The following HNRNPM variants were observed in gnomAD, a reference collection of about 807,000 sequenced individuals.
The protein encoded by HNRNPM is CEA receptor.
Under a neutral mutation model 73.1 loss-of-function variants are expected in HNRNPM, and 11 were observed. The ratio of observed to expected loss-of-function variants is 0.15; its 90% CI spans 0.09 to 0.25. HNRNPM has a LOEUF of 0.25. Ranked by LOEUF, HNRNPM falls within the 10% of genes least tolerant of loss-of-function variation. The pLI is 1.00. For missense variants in HNRNPM, 789 were observed against 1,067.9 expected (o/e 0.74, Z 3.64); for synonymous variants, 407 against 355.2 (o/e 1.15, Z -1.64).
At chr19:8,455,944 C>T (rs1306808064) in intron 2 of HNRNPM, among the ~76,000 whole-genome samples, 153 of 134,484 alleles carry the variant, frequency 1.1e-3, no homozygotes, top group Non-Finnish European at 2.1e-3. Flanking sequence ...CCTTTCTTTC[C>T]TTTTTTTTTT....
chr19:8,454,187 A>G (rs1427360064), intron 1 of HNRNPM, among the ~76,000 whole-genome samples: 1 of 152,204 alleles, frequency 6.6e-6, no homozygotes, highest in Non-Finnish European at 1.5e-5. Context: ...TGGAACTTTT[A>G]TTCTCATCCC....
At chr19:8,466,579 G>A (rs1000639890) in intron 7 of HNRNPM, among the ~76,000 whole-genome samples, 191 bp downstream of exon 7, 1 of 152,110 alleles carries the variant, frequency 6.6e-6, no homozygotes, top group Non-Finnish European at 1.5e-5. Flanking sequence ...TGTAATCCCA[G>A]CACTTCGGGA....
chr19:8,488,365 CG>C, intron 15 of HNRNPM: 1 of 243,510 alleles, frequency 4.1e-6, no homozygotes, highest in East Asian at 8.6e-5. Flanking sequence ...TAACCAGGGG[CG>C]GTGGCATATC....
chr19:8,465,558 T>C, intron 6 of HNRNPM, 43 bp downstream of exon 6: 1 of 1,247,040 alleles, frequency 8.0e-7, no homozygotes, highest in South Asian at 1.4e-5. Flanking sequence ...AATCAGAACT[T>C]TATGAAATGA....
rs1345567616 is a variant in HNRNPM at position 8,455,170 on chromosome 19, A to C, written c.114-235A>C. 2.6e-5 allele frequency among the ~76,000 whole-genome samples: 4 copies of C among 152,146 alleles called. No homozygotes were observed. The East Asian group carries it at 5.8e-4, about 22-fold the overall frequency. ...ATATATATTTTTTTGTTGTTTTGAC[A>C]GGGTCTTGCTATGTTGCCCAGGCTA... On this transcript the variant is annotated intron_variant, in intron 1 of 15. Coordinates refer to ENST00000325495, the MANE Select transcript of HNRNPM (RefSeq NM_005968.5).
chr19:8,473,572 T>G, intron 10 of HNRNPM, 92 bp from the exon 11 acceptor site: 1 of 791,088 alleles, frequency 1.3e-6, no homozygotes. Context: ...TCTTTTGAGT[T>G]CTTTTGCTGG....
In HNRNPM at chr19:8,465,446, C is replaced by T; in HGVS notation, c.561C>T (p.Pro187=). 6.2e-7 allele frequency: 1 copy of T among 1,613,684 alleles called. No individual in the cohort carries two copies. The highest frequency in any genetic ancestry group is 8.5e-7 in the Non-Finnish European group (1 of 1,179,670). Reference sequence around the variant, plus strand: ...TCCCACCCAGTATCCTAAATAATCCCAACATCCCAAATGAGATTATCCATG... The same window carrying T: ...TCCCACCCAGTATCCTAAATAATCCTAACATCCCAAATGAGATTATCCATG... ...ITIPPSILNN[P]NIPNEIIHAL... is the part of the protein sequence containing the mutation. The change falls in exon 6 of 16, where the codon CCC becomes CCT. Residue 187 remains proline (P), a synonymous_variant. Transcript: ENST00000325495.
intron 12 of HNRNPM, among the ~76,000 whole-genome samples, chr19:8,477,761 C>G (rs1180081670): frequency 6.6e-6 from 1 of 151,544 alleles, no homozygotes; most frequent in Non-Finnish European, 1.5e-5. Context: ...CTGCAGTTGT[C>G]AGCAGAGAGG....
chr19:8,476,660 T>G (rs1427966911), intron 12 of HNRNPM, among the ~76,000 whole-genome samples: 1 of 152,054 alleles, frequency 6.6e-6, no homozygotes, highest in Non-Finnish European at 1.5e-5. Flanking sequence ...GGGTGTAAAT[T>G]GGAGTTCACG....
Position 8,462,287 on chromosome 19 carries a change from A to C in HNRNPM, c.284-242A>C. On this transcript the variant is annotated intron_variant, in intron 2 of 15. Transcript: ENST00000325495. This position sits in a 1 kb window ranked among gnomAD's most constrained non-coding sequence, Gnocchi z 4.5. Reference sequence around the variant, plus strand: ...TTCCAGACAGGGAAATTGATACGGAAATCTGTGGAATAGCTTGTTTGTGGT... The same window carrying C: ...TTCCAGACAGGGAAATTGATACGGACATCTGTGGAATAGCTTGTTTGTGGT... 2 of 476,352 alleles carry C rather than the reference A, an allele frequency of 4.2e-6. 1 individual carries two copies. Among genetic ancestry groups the C allele is most frequent in the South Asian group, 6.0e-5 (2 of 33,150 alleles). 29.5% of individuals were successfully genotyped at this position (476,352 alleles called of 1,614,324 possible).
At chr19:8,481,087 A>G (rs1041965582) in intron 12 of HNRNPM, among the ~76,000 whole-genome samples, 2 of 152,140 alleles carry the variant, frequency 1.3e-5, no homozygotes, top group Non-Finnish European at 2.9e-5. Flanking sequence ...GCTCCTTTCC[A>G]TAGTGCTTTC....
chr19:8,479,065 T>C (rs956110000), intron 12 of HNRNPM, among the ~76,000 whole-genome samples: 2 of 141,982 alleles, frequency 1.4e-5, no homozygotes, highest in Non-Finnish European at 3.0e-5. Context: ...TTCCTCCTCT[T>C]TTTTCTTTCT....
chr19:8,453,738 T>G (rs567899108), intron 1 of HNRNPM, among the ~76,000 whole-genome samples: 1 of 152,160 alleles, frequency 6.6e-6, no homozygotes, highest in Non-Finnish European at 1.5e-5. Flanking sequence ...GGCTTCTGGC[T>G]CCTCACTTGT....
In HNRNPM at chr19:8,466,218, C is replaced by G; in HGVS notation, c.631-17C>G. 1.9e-6 allele frequency: 3 copies of G among 1,604,806 alleles called. No individual in the cohort carries two copies. The highest frequency in any genetic ancestry group is 2.5e-6 in the Non-Finnish European group (3 of 1,176,798). ...GATGTTTACATTGAGGTTTTTACCC[C>G]GTTCTCTCTCGATTAGCTGGATTAT... On this transcript the variant is annotated splice_polypyrimidine_tract_variant and intron_variant, in intron 6 of 15. Coordinates refer to ENST00000325495, the MANE Select transcript of HNRNPM (RefSeq NM_005968.5).
intron 1 of HNRNPM, chr19:8,445,335 G>A (rs1424572541): frequency 2.5e-6 from 1 of 398,726 alleles, no homozygotes; most frequent in Non-Finnish European, 4.4e-6. Flanking sequence ...GCCACCCTCA[G>A]TCCCTCCAGG....
chr19:8,481,175 A>G (rs766483293), intron 12 of HNRNPM, among the ~76,000 whole-genome samples: 2 of 152,136 alleles, frequency 1.3e-5, no homozygotes, highest in Non-Finnish European at 2.9e-5. Context: ...TGCTGCTTCA[A>G]AAATTTGGAT....
At chr19:8,480,890 C>T (rs779805075) in intron 12 of HNRNPM, among the ~76,000 whole-genome samples, 3 of 152,152 alleles carry the variant, frequency 2.0e-5, no homozygotes, top group Non-Finnish European at 2.9e-5. Context: ...TCTCCCGCTG[C>T]GGTTACACCT....
At chr19:8,446,171 C>T (rs1445728768) in intron 1 of HNRNPM, among the ~76,000 whole-genome samples, 1 of 152,122 alleles carries the variant, frequency 6.6e-6, no homozygotes, top group African/African-American at 2.4e-5. Flanking sequence ...TAGACTTTGC[C>T]ATTTTAACCA....
chr19:8,455,308 T>G, intron 1 of HNRNPM, 97 bp from the exon 2 acceptor site: 1 of 1,046,970 alleles, frequency 9.6e-7, no homozygotes, highest in Non-Finnish European at 1.4e-6. Context: ...ATATGTAACT[T>G]TGTGTGGAAT....
Sources: allele counts gnomAD v4.1 joint callset (sites outside exome capture counted in the v4.1 genomes callset), GRCh38; gene constraint gnomAD v4.1.1; non-coding constraint Gnocchi (gnomAD v3.1); transcripts MANE v1.5; gene names NCBI Gene and HGNC (gene_info 2026-07-23, HGNC 2026-07-21).